Variants in ANKS1B observed in about 807,000 individuals in gnomAD.
The protein encoded by ANKS1B is ankyrin repeat and sterile alpha motif domain-containing protein 1B.
ANKS1B carries 36 observed loss-of-function variants against 148.3 expected under a neutral mutation model. The ratio of observed to expected loss-of-function variants is 0.24; its 90% CI spans 0.19 to 0.32. ANKS1B has a LOEUF of 0.32. ANKS1B is among the 10% of genes least tolerant of loss of function. ANKS1B has a pLI of 1.00. For missense variants in ANKS1B, 1,157 were observed against 1,542.6 expected (o/e 0.75, Z 4.19); for synonymous variants, 542 against 560.8 (o/e 0.97, Z 0.47).
At chr12:99,102,298 A>G (rs2153679245) in intron 15 of ANKS1B, among the ~76,000 whole-genome samples, 1 of 152,314 alleles carries the variant, frequency 6.6e-6, no homozygotes, top group African/African-American at 2.4e-5. Context: ...TTGTGAGACA[A>G]AAGGGGTGGA....
intron 12 of ANKS1B, among the ~76,000 whole-genome samples, chr12:99,248,452 A>C (rs555023945): frequency 6.6e-6 from 1 of 152,320 alleles, no homozygotes; most frequent in South Asian, 2.1e-4. Context: ...CTACAAATGC[A>C]ACAATCTGCA....
chr12:98,916,573 A>G lies in ANKS1B; in HGVS notation c.2779-84437T>C, dbSNP rs114168371. On this transcript the variant is annotated intron_variant, in intron 17 of 26. Coordinates refer to ENST00000683438, the MANE Select transcript of ANKS1B (RefSeq NM_001352186.2). ...TTTCTTTTCAGAATGGAATTACAGTATGACATTGGGCATGGGAAACTGATG... is the reference window on the plus strand; with the variant it reads ...TTTCTTTTCAGAATGGAATTACAGTGTGACATTGGGCATGGGAAACTGATG... Among the ~76,000 whole-genome samples, 502 of 152,384 alleles carry G rather than the reference A, an allele frequency of 3.3e-3. 6 individuals carry two copies. The highest frequency in any genetic ancestry group is 9.4e-3 in the African/African-American group (390 of 41,588).
intron 22 of ANKS1B, among the ~76,000 whole-genome samples, chr12:98,797,984 A>G (rs1255454898): frequency 6.6e-6 from 1 of 152,240 alleles, no homozygotes; most frequent in African/African-American, 2.4e-5. Context: ...TAGCCTCTAT[A>G]CACCTGTTAT....
intron 15 of ANKS1B, among the ~76,000 whole-genome samples, chr12:99,152,531 T>C (rs1203231341): frequency 6.6e-6 from 1 of 152,144 alleles, no homozygotes; most frequent in Non-Finnish European, 1.5e-5. Context: ...TTACGATCTC[T>C]CTTTGAATGC....
chr12:99,228,874 T>C (rs891276747), intron 14 of ANKS1B, among the ~76,000 whole-genome samples: 9 of 152,006 alleles, frequency 5.9e-5, no homozygotes, highest in African/African-American at 1.9e-4. Context: ...ATTTTCAGCA[T>C]TGATACCTAT....
intron 8 of ANKS1B, among the ~76,000 whole-genome samples, chr12:99,658,227 G>T (rs557824132): frequency 6.6e-6 from 1 of 152,076 alleles, no homozygotes; most frequent in Admixed American, 6.6e-5. Context: ...CTCACTAGCC[G>T]TATGATTTTC....
At chr12:98,968,392 A>G (rs1450086847) in intron 17 of ANKS1B, among the ~76,000 whole-genome samples, 1 of 152,168 alleles carries the variant, frequency 6.6e-6, no homozygotes, top group African/African-American at 2.4e-5. Flanking sequence ...TGTCTTAACA[A>G]GCTCTCCAGT....
At chr12:99,301,991 G>A (rs998961969) in intron 12 of ANKS1B, among the ~76,000 whole-genome samples, 1 of 152,068 alleles carries the variant, frequency 6.6e-6, no homozygotes, top group Non-Finnish European at 1.5e-5. Context: ...TTCTAGGTGG[G>A]AGAAGTGTGT....
At chr12:99,962,413 T>C (rs1302225226) in intron 1 of ANKS1B, among the ~76,000 whole-genome samples, 2 of 152,242 alleles carry the variant, frequency 1.3e-5, no homozygotes, top group Admixed American at 1.3e-4. Flanking sequence ...TAGTATTCCA[T>C]GGTGCATATG....
intron 14 of ANKS1B, among the ~76,000 whole-genome samples, chr12:99,188,241 T>C (rs2080154056): frequency 6.6e-6 from 1 of 152,112 alleles, no homozygotes; most frequent in South Asian, 2.1e-4. Context: ...CACACAATAA[T>C]AGTGGGAGAC....
At chr12:99,398,403 A>T (rs1294558683) in intron 12 of ANKS1B, among the ~76,000 whole-genome samples, 1 of 152,174 alleles carries the variant, frequency 6.6e-6, no homozygotes, top group Non-Finnish European at 1.5e-5. Flanking sequence ...GATTATATGG[A>T]ATACTCACAT....
chr12:99,612,390 C>G (rs761735739), intron 9 of ANKS1B, among the ~76,000 whole-genome samples: 1 of 152,136 alleles, frequency 6.6e-6, no homozygotes, highest in Non-Finnish European at 1.5e-5. Context: ...TATAATCACT[C>G]ATTTCATTAT....
intron 17 of ANKS1B, among the ~76,000 whole-genome samples, chr12:98,948,776 C>CG (rs1555530376): frequency 1.4e-5 from 2 of 145,794 alleles, no homozygotes; most frequent in South Asian, 4.6e-4. Flanking sequence ...CACCCCCCCC[C>CG]ACACACACAC....
chr12:98,869,181 T>C lies in ANKS1B; in HGVS notation c.2779-37045A>G, dbSNP rs151292292. ...ACCATAAGCTCCATGAGGAAGGAAT[T>C]TTTTATTTTCACCATTAATTATACC... On this transcript the variant is annotated intron_variant, in intron 17 of 26. Coordinates refer to ENST00000683438, the MANE Select transcript of ANKS1B (RefSeq NM_001352186.2). Among the ~76,000 whole-genome samples the C allele has an allele frequency of 5.5e-3, 845 of 152,300 alleles. 9 individuals carry two copies. Among genetic ancestry groups the C allele is most frequent in the Middle Eastern group, 0.017 (5 of 294 alleles).
At chr12:99,495,882 C>G (rs927212904) in intron 10 of ANKS1B, among the ~76,000 whole-genome samples, 1 of 152,158 alleles carries the variant, frequency 6.6e-6, no homozygotes, top group African/African-American at 2.4e-5. Flanking sequence ...TAGGTATAAA[C>G]AAGTTACAGA....
chr12:99,322,423 G>A (rs919547886), intron 12 of ANKS1B, among the ~76,000 whole-genome samples: 2 of 146,428 alleles, frequency 1.4e-5, no homozygotes, highest in African/African-American at 2.5e-5. Flanking sequence ...CATGACACAC[G>A]TATACTCATG....
intron 17 of ANKS1B, among the ~76,000 whole-genome samples, chr12:98,974,884 CCCTCCCTTCCTTTCCTA>C (rs1013841372): frequency 1.3e-5 from 2 of 151,082 alleles, no homozygotes; most frequent in African/African-American, 4.9e-5. Context: ...CTATCTCCAT[CCCTCCCTTCCTTTCCTA>C]CCTCCCTCCC....
chr12:99,437,326 T>C (rs2095477534), intron 11 of ANKS1B, among the ~76,000 whole-genome samples: 1 of 152,006 alleles, frequency 6.6e-6, no homozygotes, highest in African/African-American at 2.4e-5. Flanking sequence ...TACTATTACA[T>C]TGGGGATTTG....
chr12:99,095,078 A>G (rs1208694751), intron 15 of ANKS1B, among the ~76,000 whole-genome samples: 1 of 152,194 alleles, frequency 6.6e-6, no homozygotes, highest in Non-Finnish European at 1.5e-5. Flanking sequence ...TGAATCAAAG[A>G]GAAAAGCCAT....
Sources: allele counts gnomAD v4.1 joint callset (sites outside exome capture counted in the v4.1 genomes callset), GRCh38; gene constraint gnomAD v4.1.1; transcripts MANE v1.5; gene names NCBI Gene and HGNC (gene_info 2026-07-23, HGNC 2026-07-21).